The following DRD3 variants were observed in gnomAD, a reference collection of about 807,000 sequenced individuals.
The protein encoded by DRD3 is D(3) dopamine receptor.
DRD3 carries 19 observed loss-of-function variants against 36.3 expected under a neutral mutation model. The observed-to-expected ratio is 0.52, with a 90% confidence interval of 0.36 to 0.77. The LOEUF (loss-of-function observed/expected upper bound fraction) is 0.77. Among genes scored for constraint, DRD3 ranks in the 30% least tolerant of loss-of-function variants. The pLI is 0.00. For missense variants in DRD3, 465 were observed against 505.3 expected (o/e 0.92, Z 0.77); for synonymous variants, 195 against 203.7 (o/e 0.96, Z 0.36).
At chr3:114,174,925 A>G (rs1381387683) in intron 1 of DRD3, among the ~76,000 whole-genome samples, 1 of 152,158 alleles carries the variant, frequency 6.6e-6, no homozygotes, top group Non-Finnish European at 1.5e-5. Flanking sequence ...ATTTACAATG[A>G]TAGGCTGGTT....
In DRD3 at chr3:114,131,497, G is replaced by C. The variant is rs967369330; in HGVS notation, c.724-97C>G. 6.8e-6 allele frequency: 10 copies of C among 1,465,944 alleles called. No individual in the cohort carries two copies. The East Asian group carries it at 2.3e-4, about 34-fold the overall frequency. 90.8% of individuals were successfully genotyped at this position (1,465,944 alleles called of 1,614,324 possible). The stretch of plus-strand genomic sequence containing the variant: ...GCCAGAGAATTCAAAGAAGGAAGAC[G>C]GCAACACAGTTGTGGGAAACCTACA... On this transcript the variant is annotated intron_variant, in intron 5 of 6. Coordinates refer to ENST00000383673, the MANE Select transcript of DRD3 (RefSeq NM_000796.6).
intron 4 of DRD3, among the ~76,000 whole-genome samples, chr3:114,145,931 T>C (rs1214712831): frequency 6.6e-6 from 1 of 152,220 alleles, no homozygotes; most frequent in Non-Finnish European, 1.5e-5. Context: ...TTTACTTATT[T>C]TAATTCACTC....
chr3:114,174,182 C>T (rs1409813137), intron 1 of DRD3, among the ~76,000 whole-genome samples: 1 of 152,190 alleles, frequency 6.6e-6, no homozygotes, highest in Non-Finnish European at 1.5e-5. Flanking sequence ...GGAGATAGCA[C>T]CGCTGCTGCC....
At chr3:114,176,828 T>C (rs933323540) in intron 1 of DRD3, among the ~76,000 whole-genome samples, 1 of 152,210 alleles carries the variant, frequency 6.6e-6, no homozygotes, top group Admixed American at 6.5e-5. Context: ...TATTGCCTGA[T>C]AAAATTAATA....
intron 1 of DRD3, among the ~76,000 whole-genome samples, chr3:114,176,947 A>G (rs569807598): frequency 6.6e-6 from 1 of 152,356 alleles, no homozygotes; most frequent in East Asian, 1.9e-4. Context: ...AAGGTGAGTC[A>G]CAGAGAGGTT....
chr3:114,182,848 G>A (rs902372466), upstream of DRD3, among the ~76,000 whole-genome samples: 1 of 152,072 alleles, frequency 6.6e-6, no homozygotes, highest in African/African-American at 2.4e-5. Context: ...TCTTTTCAAG[G>A]CTGAATAATA....
chr3:114,161,166 A>G (rs2077729211), intron 2 of DRD3, among the ~76,000 whole-genome samples: 1 of 152,206 alleles, frequency 6.6e-6, no homozygotes, highest in African/African-American at 2.4e-5. Context: ...GAAACCTGCC[A>G]GGCTTTGTGC....
intron 1 of DRD3, among the ~76,000 whole-genome samples, chr3:114,174,908 C>G (rs776750115): frequency 5.9e-5 from 9 of 152,086 alleles, no homozygotes; most frequent in Non-Finnish European, 1.3e-4. Flanking sequence ...CAATCACTCT[C>G]TAAGTAATTT....
chr3:114,160,798 C>T (rs556591660), intron 2 of DRD3, among the ~76,000 whole-genome samples: 2 of 152,280 alleles, frequency 1.3e-5, no homozygotes, highest in South Asian at 2.1e-4. Context: ...TCTCCCTCCC[C>T]ACCCACATCC....
rs961521606 is a variant in DRD3, at chr3:114,140,495, A to C, written c.527-799T>G. 5.3e-5 allele frequency among the ~76,000 whole-genome samples: 8 copies of C among 152,346 alleles called. No homozygotes were observed. The East Asian group carries it at 9.7e-4, about 18-fold the overall frequency. On this transcript the variant is annotated intron_variant, in intron 4 of 6. Transcript: ENST00000383673. ...CGTGCCCCATCTTGAAAAAGAAAAG[A>C]AAAGCAAACTAATATCTGCCAGGCG...
chr3:114,198,965 G>C (rs995030975), intron 1 of DRD3, among the ~76,000 whole-genome samples: 4 of 152,102 alleles, frequency 2.6e-5, no homozygotes, highest in East Asian at 1.9e-4. Flanking sequence ...AAGCTGGCTT[G>C]AGCTCCTGGC....
intron 2 of DRD3, among the ~76,000 whole-genome samples, chr3:114,165,042 C>T (rs1358145953): frequency 6.6e-6 from 1 of 152,216 alleles, no homozygotes; most frequent in Non-Finnish European, 1.5e-5. Flanking sequence ...TGAGCCACTG[C>T]GCCTTGCCAG....
upstream of DRD3, among the ~76,000 whole-genome samples, chr3:114,181,955 T>C (rs2077950629): frequency 6.6e-6 from 1 of 152,192 alleles, no homozygotes; most frequent in South Asian, 2.1e-4. Flanking sequence ...GGGGAGGCAA[T>C]TTGCAGGACC....
chr3:114,197,277 ATTTTTTTT>A (rs58452737), intron 1 of DRD3, among the ~76,000 whole-genome samples: 6 of 89,362 alleles, frequency 6.7e-5, no homozygotes, highest in South Asian at 3.5e-4. Context: ...AATTAAAAAA[ATTTTTTTT>A]TTTTTTTTTT....
At chr3:114,155,832 C>T (rs1214862087) in intron 3 of DRD3, among the ~76,000 whole-genome samples, 2 of 152,040 alleles carry the variant, frequency 1.3e-5, no homozygotes, top group African/African-American at 4.8e-5. Flanking sequence ...CTTCACAAAG[C>T]GAACCCTCTC....
intron 3 of DRD3, among the ~76,000 whole-genome samples, chr3:114,154,466 G>T (rs2077647239): frequency 6.6e-6 from 1 of 152,192 alleles, no homozygotes; most frequent in Non-Finnish European, 1.5e-5. Flanking sequence ...ATGAGCCCCA[G>T]AGTTCTGTGA....
At chr3:114,186,209 G>T (rs1349279790) in intron 1 of DRD3, among the ~76,000 whole-genome samples, 1 of 152,182 alleles carries the variant, frequency 6.6e-6, no homozygotes, top group Non-Finnish European at 1.5e-5. Flanking sequence ...AATAAAGGTA[G>T]ATTTTTAAAA....
In DRD3 at chr3:114,177,327, T is replaced by C. The variant is rs373444461; in HGVS notation, c.-36+1330A>G. ...GATTGCAATACATAGCATATTTATG[T>C]ATTTGGGCACATTTACATTGTTGGT... On this transcript the variant is annotated intron_variant, in intron 1 of 6. Coordinates refer to ENST00000383673, the MANE Select transcript of DRD3 (RefSeq NM_000796.6). Among the ~76,000 whole-genome samples, 8 of 152,282 alleles carry C rather than the reference T, an allele frequency of 5.3e-5. No homozygotes were observed. The South Asian group carries it at 1.2e-3, about 24-fold the overall frequency.
At chr3:114,164,219 TCAAAAAAAAAAAAA>T (rs1272636962) in intron 2 of DRD3, among the ~76,000 whole-genome samples, 1 of 10,768 alleles carries the variant, frequency 9.3e-5, no homozygotes, top group African/African-American at 4.0e-4. Flanking sequence ...AGCCTCAGTC[TCAAAAAAAAAAAAA>T]AAAAAAAAAA....
Sources: allele counts gnomAD v4.1 joint callset (sites outside exome capture counted in the v4.1 genomes callset), GRCh38; gene constraint gnomAD v4.1.1; transcripts MANE v1.5; gene names NCBI Gene and HGNC (gene_info 2026-07-23, HGNC 2026-07-21).